The following CPLANE1 variants were observed in gnomAD, a reference collection of about 807,000 sequenced individuals.
CPLANE1 encodes the protein ciliogenesis and planar polarity effector complex subunit 1.
In CPLANE1, 263 loss-of-function variants were observed where a neutral mutation model predicts 362.5. That is an observed-to-expected ratio of 0.73 (90% confidence interval 0.66 to 0.80). The LOEUF (loss-of-function observed/expected upper bound fraction) is 0.80, where lower values mean the gene tolerates loss of function less well. Among genes scored for constraint, CPLANE1 ranks in the 30% least tolerant of loss-of-function variants. The pLI is 0.00. For synonymous variants in CPLANE1, 1,212 were observed against 1,302.6 expected (o/e 0.93, Z 1.50); for missense variants, 3,461 against 3,793.4 (o/e 0.91, Z 2.30).
the CPLANE1 span, chr5:37,085,387 A>G: frequency 2.9e-3 from 3,658 of 1,280,064 alleles, 83 homozygotes; most frequent in African/African-American, 0.049. Flanking sequence ...TTTGCTGTAC[A>G]TCGTATTACA....
chr5:37,211,106 C>A, intron 16 of CPLANE1: 1 of 1,051,258 alleles, frequency 9.5e-7, no homozygotes, highest in Non-Finnish European at 1.5e-6. Flanking sequence ...TGGTGCTTCA[C>A]AATGGTGAGA....
At chr5:37,171,736 C>A (rs1184396562) in intron 32 of CPLANE1, among the ~76,000 whole-genome samples, 1 of 144,206 alleles carries the variant, frequency 6.9e-6, no homozygotes, top group African/African-American at 2.7e-5. Flanking sequence ...TATTTCCTTT[C>A]TCTAGCTTAC....
the CPLANE1 span, chr5:37,085,438 T>A: frequency 1.1e-6 from 1 of 930,752 alleles, no homozygotes. Flanking sequence ...GTGAGAAAAA[T>A]CTTTGTGGGC....
chr5:37,196,588 T>C (rs1561568329), intron 20 of CPLANE1, among the ~76,000 whole-genome samples: 1 of 152,154 alleles, frequency 6.6e-6, no homozygotes, highest in African/African-American at 2.4e-5. Flanking sequence ...ACATGTGCCA[T>C]GTGCGAGAGA....
rs1195012286 is a variant in CPLANE1, at chr5:37,148,134, A to C, written c.8461+47T>G. On this transcript the variant is annotated intron_variant, in intron 43 of 52. Transcript: ENST00000651892. ...CACAAAACAATGCACATTCTTTCAGATCAACTAAAGCAAGACTTCAGCCAG... is the reference window on the plus strand; with the variant it reads ...CACAAAACAATGCACATTCTTTCAGCTCAACTAAAGCAAGACTTCAGCCAG... 1.6e-5 allele frequency: 22 copies of C among 1,411,740 alleles called. No homozygotes were observed. The Admixed American group carries it at 1.9e-4, about 12-fold the overall frequency. The allele number at this position is 1,411,740 out of a possible 1,614,324, so 87.5% of individuals were successfully genotyped here. A position where few individuals can be genotyped will look rare whatever the true frequency, so the allele number is the denominator to read the frequency against.
chr5:37,225,840 T>C (rs927388368), intron 12 of CPLANE1, among the ~76,000 whole-genome samples: 2 of 124,734 alleles, frequency 1.6e-5, no homozygotes, highest in Admixed American at 9.5e-5. Flanking sequence ...GGGACAAGAG[T>C]GTACTCCATC....
At chr5:37,180,782 G>A in intron 27 of CPLANE1, 75 bp downstream of exon 27, 1 of 1,415,874 alleles carries the variant, frequency 7.1e-7, no homozygotes, top group South Asian at 1.2e-5. Context: ...TCAAGGGTTT[G>A]ATCTTCCCTT....
chr5:37,187,077 A>C (rs1452722002), intron 23 of CPLANE1, among the ~76,000 whole-genome samples: 1 of 149,336 alleles, frequency 6.7e-6, no homozygotes, highest in African/African-American at 2.5e-5. Flanking sequence ...AAAAAAAAAA[A>C]AAAAAAAAAA....
At chr5:37,136,860 C>T (rs1359365586) in intron 46 of CPLANE1, among the ~76,000 whole-genome samples, 1 of 152,342 alleles carries the variant, frequency 6.6e-6, no homozygotes, top group East Asian at 1.9e-4. Context: ...GGCACCAAGT[C>T]CCTAGGCTGC....
chr5:37,170,254 A>C lies in CPLANE1; in HGVS notation c.6249T>G (p.Leu2083=), dbSNP rs775268515. 34 of 1,614,204 alleles carry C rather than the reference A, an allele frequency of 2.1e-5. No individual in the cohort carries two copies. The East Asian group carries it at 5.8e-4, about 27-fold the overall frequency. Residue 2083 remains leucine, a synonymous_variant, in exon 33 of 53, where the codon CTT becomes CTG. Transcript: ENST00000651892. ...SFANLPDTQQ[L]VQQSQSVHLG... is the part of the protein sequence containing the mutation. ...AATGCACAGACTGAGACTGCTGTAC[A>C]AGTTGTTGTGTATCTGGGAGATTAG...
At chr5:37,134,143 T>C (rs1184947984) in intron 46 of CPLANE1, among the ~76,000 whole-genome samples, 2 of 152,218 alleles carry the variant, frequency 1.3e-5, no homozygotes, top group Non-Finnish European at 2.9e-5. Flanking sequence ...ATCAGGGTGA[T>C]GTCACCTTCA....
intron 17 of CPLANE1, among the ~76,000 whole-genome samples, chr5:37,205,715 T>C (rs866426631): frequency 3.3e-5 from 5 of 152,132 alleles, no homozygotes; most frequent in African/African-American, 7.2e-5. Flanking sequence ...GCTAAATAAA[T>C]GGTTTTTGTT....
intron 15 of CPLANE1, among the ~76,000 whole-genome samples, chr5:37,215,739 C>CTTTTTTTTTTTTT (rs567527656): frequency 7.4e-5 from 7 of 95,198 alleles, no homozygotes; most frequent in African/African-American, 1.6e-4. Flanking sequence ...CTTCTCTTTC[C>CTTTTTTTTTTTTT]TTTTTTTTTT....
At position 37,170,198 on chromosome 5, in the gene CPLANE1, C is replaced by T. The variant is rs1261785453; in HGVS notation, c.6305G>A (p.Gly2102Glu). The T allele has an allele frequency of 1.9e-6, 3 of 1,614,128 alleles. No homozygotes were observed. In the South Asian group the frequency reaches 3.3e-5, roughly 18 times the overall value. The change falls in exon 33 of 53, where the codon GGA becomes GAA. Residue 2102 changes from glycine (G) to glutamate (E), a missense_variant. By Grantham distance (98) the Gly-to-Glu change is moderately conservative. Transcript: ENST00000651892. ...GTTGCTGTCTTCAACATCACCACAT[C>T]CTCTTAGGTTTGATTCTTGGCTTTC... ...LGESQESNLR[G>E]CGDVEDSNKN... is the part of the protein sequence containing the mutation.
At chr5:37,077,905 C>T in the CPLANE1 span, among the ~76,000 whole-genome samples, 6 of 151,916 alleles carry the variant, frequency 3.9e-5, no homozygotes, top group African/African-American at 7.2e-5. Flanking sequence ...TGTAAACCGC[C>T]GTGCCCAGCA....
chr5:37,214,025 A>G (rs1793341745), intron 15 of CPLANE1, among the ~76,000 whole-genome samples: 1 of 152,144 alleles, frequency 6.6e-6, no homozygotes, highest in Non-Finnish European at 1.5e-5. Context: ...ATTTGTGACA[A>G]TTTGAAAAAA....
At chr5:37,112,858 T>C (rs1249738070) in intron 51 of CPLANE1, among the ~76,000 whole-genome samples, 2 of 152,216 alleles carry the variant, frequency 1.3e-5, no homozygotes, top group Admixed American at 6.5e-5. Flanking sequence ...TACAGCTTTC[T>C]ATGGGCAAGG....
intron 46 of CPLANE1, among the ~76,000 whole-genome samples, chr5:37,128,674 C>A (rs1023527913): frequency 3.9e-5 from 6 of 152,008 alleles, no homozygotes; most frequent in African/African-American, 7.3e-5. Flanking sequence ...GCCTGGCCAA[C>A]ATGGCAAAAA....
chr5:37,121,183 G>A (rs193179302), intron 49 of CPLANE1, among the ~76,000 whole-genome samples: 26 of 152,290 alleles, frequency 1.7e-4, no homozygotes, highest in Admixed American at 1.6e-3. Context: ...AGCTACAGCT[G>A]AATGAGCATA....
Sources: allele counts gnomAD v4.1 joint callset (sites outside exome capture counted in the v4.1 genomes callset), GRCh38; gene constraint gnomAD v4.1.1; transcripts MANE v1.5; gene names NCBI Gene and HGNC (gene_info 2026-07-23, HGNC 2026-07-21).